Variants in BICRAL observed in about 807,000 individuals in gnomAD.
BICRAL encodes the protein BICRA like chromatin remodeling complex associated protein, also known as BRD4-interacting chromatin-remodeling complex-associated protein-like.
A neutral mutation model predicts 91.8 loss-of-function variants in BICRAL; 8 were observed. The observed-to-expected ratio is 0.09, with a 90% confidence interval of 0.05 to 0.16. BICRAL has a LOEUF of 0.16. BICRAL is among the 10% of genes least tolerant of loss of function. BICRAL has a pLI of 1.00. For missense variants in BICRAL, 1,038 were observed against 1,310.9 expected, an observed-to-expected ratio of 0.79 and a Z score of 3.21; for synonymous variants, 445 against 491.1, an observed-to-expected ratio of 0.91 and a Z score of 1.24.
In BICRAL at chr6:42,847,858, G is replaced by A. The variant is rs563186148; in HGVS notation, c.1840-4234G>A. Among the ~76,000 whole-genome samples, 116 of 152,152 alleles carry A rather than the reference G, an allele frequency of 7.6e-4. 2 individuals carry two copies. The highest frequency in any genetic ancestry group is 3.4e-3 in the Admixed American group (52 of 15,284). ...AATTGCTTGAATCTTTTCTGGGCGC[G>A]GTGGCTCACGCCTGTAATCCCAGCA... On this transcript the variant is annotated intron_variant, in intron 6 of 12. Coordinates refer to ENST00000314073, the MANE Select transcript of BICRAL (RefSeq NM_001393499.1).
At chr6:42,788,284 G>T (rs1763162700) in intron 1 of BICRAL, among the ~76,000 whole-genome samples, 1 of 148,838 alleles carries the variant, frequency 6.7e-6, no homozygotes, top group Non-Finnish European at 1.5e-5. Context: ...GAGTGCAGTG[G>T]CGCAATCTCA....
At chr6:42,772,077 C>G (rs896213528) in intron 1 of BICRAL, among the ~76,000 whole-genome samples, 5 of 152,028 alleles carry the variant, frequency 3.3e-5, no homozygotes, top group African/African-American at 1.2e-4. Flanking sequence ...AGAAGGGACT[C>G]ACTCATTTTA....
chr6:42,802,433 TG>T (rs1763603872), intron 1 of BICRAL, among the ~76,000 whole-genome samples: 11 of 94,184 alleles, frequency 1.2e-4, no homozygotes, highest in African/African-American at 1.6e-4. Flanking sequence ...TTTTTTTTGT[TG>T]TTGTTGTTGT....
chr6:42,851,148 G>A (rs1765164852), intron 6 of BICRAL, among the ~76,000 whole-genome samples: 1 of 152,150 alleles, frequency 6.6e-6, no homozygotes, highest in Admixed American at 6.5e-5. Flanking sequence ...TCGTGCCACT[G>A]CACTCCAGCC....
Position 42,811,644 on chromosome 6 carries a change from A to G in BICRAL, c.-6+1243A>G, listed in dbSNP as rs537551290. Among the ~76,000 whole-genome samples, 4 of 151,152 alleles carry G rather than the reference A, an allele frequency of 2.6e-5. No individual in the cohort carries two copies. In the East Asian group the frequency reaches 5.8e-4, roughly 22 times the overall value. ...CAAAGAAAAAAAAAAAAAAAAGCCT[A>G]CGTTCCCAGGGTACCCAGAGTACCA... On this transcript the variant is annotated intron_variant, in intron 2 of 12. Transcript: ENST00000314073.
intron 1 of BICRAL, among the ~76,000 whole-genome samples, chr6:42,798,713 T>G (rs1763487081): frequency 6.6e-6 from 1 of 152,150 alleles, no homozygotes; most frequent in Non-Finnish European, 1.5e-5. Flanking sequence ...GAAAAAAAAT[T>G]GTGTAGTGTT....
intron 3 of BICRAL, 21 bp downstream of exon 3, chr6:42,822,084 C>A (rs1158825518): frequency 1.9e-6 from 3 of 1,552,064 alleles, no homozygotes; most frequent in South Asian, 2.2e-5. Context: ...TATTCCAAAA[C>A]CTGGGTAAAT....
At chr6:42,856,324 A>G (rs1197524261) in intron 9 of BICRAL, among the ~76,000 whole-genome samples, 1 of 142,140 alleles carries the variant, frequency 7.0e-6, no homozygotes, top group Admixed American at 7.2e-5. Flanking sequence ...CTCAAAATAT[A>G]TACATATATA....
intron 10 of BICRAL, among the ~76,000 whole-genome samples, chr6:42,857,462 C>A (rs1765404189): frequency 6.6e-6 from 1 of 151,718 alleles, no homozygotes; most frequent in Non-Finnish European, 1.5e-5. Flanking sequence ...GGGGCACACA[C>A]CTGTAGTCCC....
At chr6:42,754,359 A>T (rs1160134915) in intron 1 of BICRAL, among the ~76,000 whole-genome samples, 2 of 151,548 alleles carry the variant, frequency 1.3e-5, no homozygotes, top group East Asian at 3.9e-4. Flanking sequence ...TTTTTAGTAG[A>T]GACGGGGTTT....
At chr6:42,834,842 C>T (rs1206638793) in intron 6 of BICRAL, among the ~76,000 whole-genome samples, 1 of 152,098 alleles carries the variant, frequency 6.6e-6, no homozygotes, top group Admixed American at 6.6e-5. Context: ...TCCTGCCCTA[C>T]CATCAACTAT....
At chr6:42,845,780 C>G (rs1040940272) in intron 6 of BICRAL, among the ~76,000 whole-genome samples, 1 of 151,896 alleles carries the variant, frequency 6.6e-6, no homozygotes, top group African/African-American at 2.4e-5. Flanking sequence ...TTATAGATTC[C>G]TGGCCGGGCG....
chr6:42,851,393 A>G (rs1765176439), intron 6 of BICRAL, among the ~76,000 whole-genome samples: 2 of 152,142 alleles, frequency 1.3e-5, no homozygotes, highest in African/African-American at 4.8e-5. Flanking sequence ...ATGAGATAAC[A>G]TAAGTTTTTT....
intron 1 of BICRAL, among the ~76,000 whole-genome samples, chr6:42,792,812 C>G (rs1763310773): frequency 6.6e-6 from 1 of 151,834 alleles, no homozygotes; most frequent in African/African-American, 2.4e-5. Flanking sequence ...ATTCTGGAGG[C>G]TGAGGCACAA....
In BICRAL at chr6:42,793,122, A is replaced by ATTTT. The variant is rs1159342197; in HGVS notation, c.-102+11057_-102+11060dup. On this transcript the variant is annotated intron_variant, in intron 1 of 12. Coordinates refer to ENST00000314073, the MANE Select transcript of BICRAL (RefSeq NM_001393499.1). Reference sequence around the variant, plus strand: ...AAGCGCATGCCACCATGCCCAGCTAATTTTTTTTTTTTTTTTTTTTTTTTT... The same window carrying ATTTT: ...AAGCGCATGCCACCATGCCCAGCTAATTTTTTTTTTTTTTTTTTTTTTTTTTTTT... Among the ~76,000 whole-genome samples, 52 of 37,252 alleles carry ATTTT rather than the reference A, an allele frequency of 1.4e-3. 17 individuals carry two copies. The highest frequency in any genetic ancestry group is 2.1e-3 in the Non-Finnish European group (43 of 20,498). The allele number at this position is 37,252 out of a possible 152,430, so 24.4% of individuals were successfully genotyped here. A position where few individuals can be genotyped will look rare whatever the true frequency, so the allele number is the denominator to read the frequency against.
chr6:42,771,789 G>A (rs991931706), intron 1 of BICRAL, among the ~76,000 whole-genome samples: 7 of 152,110 alleles, frequency 4.6e-5, no homozygotes, highest in Non-Finnish European at 8.8e-5. Flanking sequence ...CTCTTGGGAG[G>A]CTGAGTCTCC....
intron 1 of BICRAL, among the ~76,000 whole-genome samples, chr6:42,761,871 A>G (rs1291857064): frequency 6.6e-6 from 1 of 152,126 alleles, no homozygotes; most frequent in East Asian, 1.9e-4. Context: ...CCATGATTGC[A>G]TCACTGCACT....
intron 5 of BICRAL, 145 bp downstream of exon 5, chr6:42,823,148 TG>T (rs1764192974): frequency 3.5e-6 from 2 of 573,866 alleles, no homozygotes; most frequent in East Asian, 6.1e-5. Context: ...TATTTTGAGA[TG>T]GGGCCTCACT....
intron 2 of BICRAL, among the ~76,000 whole-genome samples, chr6:42,819,834 C>A (rs534920621): frequency 6.6e-6 from 1 of 152,254 alleles, no homozygotes; most frequent in South Asian, 2.1e-4. Context: ...ACTGTAAAGG[C>A]TCCTAGAGTT....
Sources: allele counts gnomAD v4.1 joint callset (sites outside exome capture counted in the v4.1 genomes callset), GRCh38; gene constraint gnomAD v4.1.1; transcripts MANE v1.5; gene names NCBI Gene and HGNC (gene_info 2026-07-23, HGNC 2026-07-21).